Variants in TKT observed in about 807,000 individuals in gnomAD.
The protein encoded by TKT is epididymis luminal protein 107.
A neutral mutation model predicts 63.9 loss-of-function variants in TKT; 47 were observed. The ratio of observed to expected loss-of-function variants is 0.74; its 90% confidence interval spans 0.58 to 0.94. The LOEUF (loss-of-function observed/expected upper bound fraction) is 0.94, where lower values mean the gene tolerates loss of function less well. Among genes scored for constraint, TKT ranks in the 40% least tolerant of loss-of-function variants. TKT has a pLI of 0.00. For missense variants in TKT, 721 were observed against 846.2 expected (o/e 0.85, Z 1.84); for synonymous variants, 338 against 334.1 (o/e 1.01, Z -0.13).
intron 1 of TKT, among the ~76,000 whole-genome samples, chr3:53,248,124 T>C (rs1553681189): frequency 6.6e-6 from 1 of 152,206 alleles, no homozygotes; most frequent in Admixed American, 6.5e-5. Flanking sequence ...AGTGTGTATG[T>C]ACAGAACGTG....
rs782741194 is a variant in TKT at position 53,255,818 on chromosome 3, C to A, written c.107+18G>T. 7 of 1,472,104 alleles carry A rather than the reference C, an allele frequency of 4.8e-6. No homozygotes were observed. The highest frequency in any genetic ancestry group is 6.3e-6 in the Non-Finnish European group (7 of 1,108,114). The allele number at this position is 1,472,104 out of a possible 1,614,324, so 91.2% of individuals were successfully genotyped here. ...CGCCCCGCCCGAGCCGCGTCCCCGG[C>A]CGGCGCCGCGCACTCACCCAGAGCC... is the stretch of plus-strand genomic sequence containing the variant. On this transcript the variant is annotated intron_variant, in intron 1 of 13. Transcript: ENST00000462138.
Position 53,255,838 on chromosome 3 carries a change from A to G in TKT, c.105T>C (p.Ser35=), listed in dbSNP as rs1559663684. 1.3e-6 allele frequency: 2 copies of G among 1,522,084 alleles called. No homozygotes were observed. The highest frequency in any genetic ancestry group is 2.0e-5 in the Admixed American group (1 of 49,504). 94.3% of individuals were successfully genotyped at this position (1,522,084 alleles called of 1,614,324 possible). A position where few individuals can be genotyped will look rare whatever the true frequency, so the allele number is the denominator to read the frequency against. The change falls in exon 1 of 14, where the codon TCT becomes TCC. Residue 35 remains serine (S), a splice_region_variant and synonymous_variant. Coordinates refer to ENST00000462138, the MANE Select transcript of TKT (RefSeq NM_001064.4). ...CCCGGCCGGCGCCGCGCACTCACCCAGAGCCCGCCGCAGTGGTGGCCTGGA... is the reference window on the plus strand; with the variant it reads ...CCCGGCCGGCGCCGCGCACTCACCCGGAGCCCGCCGCAGTGGTGGCCTGGA... The part of the protein sequence containing the change: ...SSIQATTAAG[S]GHPTSCCSAA...
At chr3:53,235,430 G>A in intron 4 of TKT, 1 of 404,030 alleles carries the variant, frequency 2.5e-6, no homozygotes, top group Non-Finnish European at 4.5e-6. Context: ...TTAAGAAACA[G>A]AGGTCTAGGA....
chr3:53,239,073 C>G (rs1431057747), intron 4 of TKT, among the ~76,000 whole-genome samples: 1 of 152,168 alleles, frequency 6.6e-6, no homozygotes, highest in African/African-American at 2.4e-5. Flanking sequence ...GTGAATAAGT[C>G]TCACAAGATC....
At chr3:53,233,506 T>C (rs782692932) in intron 5 of TKT, 5 of 444,184 alleles carry the variant, frequency 1.1e-5, no homozygotes, top group Non-Finnish European at 2.0e-5. Context: ...CTGAACAGGT[T>C]TTCCTCCTCC....
intron 1 of TKT, among the ~76,000 whole-genome samples, chr3:53,244,924 CAA>C (rs1459370741): frequency 9.9e-5 from 15 of 151,546 alleles, no homozygotes; most frequent in African/African-American, 3.6e-4. Flanking sequence ...CTGCCTTGAC[CAA>C]AACAGTCCAC....
intron 5 of TKT, chr3:53,233,505 T>C: frequency 6.7e-6 from 3 of 444,956 alleles, no homozygotes; most frequent in Non-Finnish European, 8.0e-6. Flanking sequence ...TCTGAACAGG[T>C]TTTCCTCCTC....
chr3:53,226,655 G>A, intron 13 of TKT, 101 bp downstream of exon 13: 4 of 1,550,484 alleles, frequency 2.6e-6, no homozygotes, highest in East Asian at 4.5e-5. Context: ...GGTGTTCTGG[G>A]CCACAGCTGC....
At chr3:53,230,079 C>T (rs1704674934) in intron 8 of TKT, among the ~76,000 whole-genome samples, 1 of 152,198 alleles carries the variant, frequency 6.6e-6, no homozygotes, top group Admixed American at 6.5e-5. Context: ...GGCCCAGAGC[C>T]GTGTGCATTA....
chr3:53,227,795 G>A (rs1474367804), intron 12 of TKT: 2 of 408,246 alleles, frequency 4.9e-6, no homozygotes, highest in African/African-American at 2.0e-5. Flanking sequence ...CCACTGATCT[G>A]GCCACCATGC....
intron 1 of TKT, among the ~76,000 whole-genome samples, chr3:53,251,941 A>T (rs1355986674): frequency 6.6e-6 from 1 of 152,224 alleles, no homozygotes; most frequent in African/African-American, 2.4e-5. Flanking sequence ...GGAGTTCAAG[A>T]CCAACCTCAA....
chr3:53,235,476 G>T, intron 4 of TKT: 1 of 240,544 alleles, frequency 4.2e-6, no homozygotes, highest in South Asian at 1.2e-4. Flanking sequence ...TAGAAAAATG[G>T]GGGTTGTTGG....
intron 4 of TKT, among the ~76,000 whole-genome samples, chr3:53,238,300 C>G (rs1307624485): frequency 6.6e-6 from 1 of 152,238 alleles, no homozygotes. Flanking sequence ...AAATAAAATG[C>G]TCTTAAACAT....
intron 1 of TKT, among the ~76,000 whole-genome samples, chr3:53,248,437 G>A (rs1474746556): frequency 2.0e-5 from 3 of 152,178 alleles, no homozygotes; most frequent in Admixed American, 2.0e-4. Flanking sequence ...CCCAGAATTT[G>A]AGACCAGGCT....
intron 1 of TKT, among the ~76,000 whole-genome samples, chr3:53,244,392 GGA>G (rs1233713725): frequency 3.9e-5 from 6 of 152,148 alleles, no homozygotes; most frequent in African/African-American, 1.2e-4. Flanking sequence ...TCTTCACTTG[GGA>G]GAGTGTCTGG....
intron 1 of TKT, 82 bp from the exon 2 acceptor site, chr3:53,242,324 G>C: frequency 1.5e-6 from 2 of 1,353,410 alleles, no homozygotes; most frequent in South Asian, 1.2e-5. Context: ...CAGGGACCTG[G>C]GGGTGCATGT....
Position 53,230,576 on chromosome 3 carries a change from G to A in TKT, c.988C>T (p.His330Tyr), listed in dbSNP as rs1553676800. The change falls in exon 8 of 14, where the codon CAT (histidine) becomes TAT (tyrosine). Residue 330 changes from histidine to tyrosine, a missense_variant. Physicochemically the swap from His to Tyr is moderately conservative, Grantham distance 83 (BLOSUM62 2). Coordinates refer to ENST00000462138, the MANE Select transcript of TKT (RefSeq NM_001064.4). ...AGGGCGATGATGCGGTCACTGGCATGGCCCAGCTTGGCCAGTGCCTGCCCG... is the reference window on the plus strand; with the variant it reads ...AGGGCGATGATGCGGTCACTGGCATAGCCCAGCTTGGCCAGTGCCTGCCCG... ...AYGQALAKLG[H>Y]ASDRIIALDG... is the part of the protein sequence containing the mutation. 1 of 1,614,234 alleles carries A rather than the reference G, an allele frequency of 6.2e-7. No individual in the cohort carries two copies. Among genetic ancestry groups the A allele is most frequent in the East Asian group, 2.2e-5 (1 of 44,872 alleles).
chr3:53,235,719 A>G (rs58110216), intron 4 of TKT: 25,883 of 152,270 alleles, frequency 0.17, 2,274 homozygotes, highest in South Asian at 0.19. Flanking sequence ...TGGGGAGGAT[A>G]GAGCAGAGGG....
At chr3:53,229,467 A>G (rs782790801) in intron 8 of TKT, 31 bp from the exon 9 acceptor site, 1 of 1,582,140 alleles carries the variant, frequency 6.3e-7, no homozygotes, top group Non-Finnish European at 8.6e-7. Flanking sequence ...GTCAGCCCAA[A>G]GGGGCAGGCA....
Sources: allele counts gnomAD v4.1 joint callset (sites outside exome capture counted in the v4.1 genomes callset), GRCh38; gene constraint gnomAD v4.1.1; transcripts MANE v1.5; gene names NCBI Gene and HGNC (gene_info 2026-07-23, HGNC 2026-07-21).